Variants in PTPRT observed in about 807,000 individuals in gnomAD.
The protein encoded by PTPRT is protein tyrosine phosphatase receptor type T.
PTPRT carries 56 observed loss-of-function variants against 176.8 expected under a neutral mutation model. The observed-to-expected ratio is 0.32, with a 90% CI of 0.26 to 0.40. The LOEUF (loss-of-function observed/expected upper bound fraction) is 0.40, where lower values mean the gene tolerates loss of function less well. PTPRT is among the 10% of genes least tolerant of loss of function. The pLI, the probability that PTPRT is intolerant of heterozygous loss-of-function variation, is 1.00. For synonymous variants in PTPRT, 783 were observed against 739.0 expected (o/e 1.06, Z -0.96); for missense variants, 1,540 against 1,908.2 (o/e 0.81, Z 3.60).
At chr20:42,235,717 C>T (rs1272045522) in intron 15 of PTPRT, among the ~76,000 whole-genome samples, 1 of 152,296 alleles carries the variant, frequency 6.6e-6, no homozygotes, top group East Asian at 1.9e-4. Context: ...AGCAAAGACA[C>T]TGGATGTTTC....
At chr20:43,034,473 G>A (rs942005138) in intron 1 of PTPRT, among the ~76,000 whole-genome samples, 1 of 151,652 alleles carries the variant, frequency 6.6e-6, no homozygotes, top group Non-Finnish European at 1.5e-5. Context: ...AACTCCTACA[G>A]TCCTCCAAGG....
At chr20:43,088,553 G>A (rs778026850) in intron 1 of PTPRT, among the ~76,000 whole-genome samples, 47 of 152,224 alleles carry the variant, frequency 3.1e-4, no homozygotes, top group Non-Finnish European at 5.7e-4. Context: ...CAGACTCTGG[G>A]TTGAGATGGT....
chr20:42,889,696 G>A (rs1386535173), intron 1 of PTPRT, among the ~76,000 whole-genome samples: 6 of 152,316 alleles, frequency 3.9e-5, no homozygotes, highest in Non-Finnish European at 5.9e-5. Context: ...CAGCAAAGCA[G>A]GGAATTTCAA....
chr20:42,218,604 T>C (rs1174290159), intron 15 of PTPRT, among the ~76,000 whole-genome samples: 1 of 152,180 alleles, frequency 6.6e-6, no homozygotes. Flanking sequence ...CTCCTTGCAC[T>C]GACCAGCTTC....
intron 1 of PTPRT, among the ~76,000 whole-genome samples, chr20:43,167,892 C>A (rs1365736107): frequency 6.6e-6 from 1 of 152,182 alleles, no homozygotes; most frequent in African/African-American, 2.4e-5. Context: ...ACACCCCTGG[C>A]CAACACCTTG....
chr20:42,914,089 T>C (rs1978571202), intron 1 of PTPRT, among the ~76,000 whole-genome samples: 1 of 152,214 alleles, frequency 6.6e-6, no homozygotes, highest in Non-Finnish European at 1.5e-5. Context: ...CACAGCTACA[T>C]CCATCTTCAC....
At chr20:42,226,447 C>T (rs1159610485) in intron 15 of PTPRT, among the ~76,000 whole-genome samples, 2 of 152,162 alleles carry the variant, frequency 1.3e-5, no homozygotes, top group Non-Finnish European at 2.9e-5. Context: ...AACTAGACAA[C>T]TAGGTAATAA....
rs184538566 is a variant in PTPRT at position 43,092,079 on chromosome 20, C to T, written c.88+97567G>A. On this transcript the variant is annotated intron_variant, in intron 1 of 30. Coordinates refer to ENST00000373187, the MANE Select transcript of PTPRT (RefSeq NM_007050.6). The stretch of plus-strand genomic sequence containing the variant: ...GCCTGGGTTTTCTCAAAAAACAAAG[C>T]ATACAACAAGGACACATGGGAAAGT... 3.3e-5 allele frequency among the ~76,000 whole-genome samples: 5 copies of T among 152,276 alleles called. No individual in the cohort carries two copies. In the South Asian group the frequency reaches 6.2e-4, roughly 19 times the overall value.
chr20:42,447,999 C>T (rs1293064061), intron 9 of PTPRT, among the ~76,000 whole-genome samples: 1 of 152,184 alleles, frequency 6.6e-6, no homozygotes, highest in Non-Finnish European at 1.5e-5. Context: ...ACCATAGTCA[C>T]TTCAATGCAT....
intron 1 of PTPRT, among the ~76,000 whole-genome samples, chr20:43,127,354 C>T (rs966352260): frequency 1.4e-4 from 21 of 148,404 alleles, no homozygotes; most frequent in African/African-American, 5.0e-4. Flanking sequence ...ACCTGGGAGG[C>T]GAAGCTTGTA....
intron 1 of PTPRT, 65 bp from the exon 2 acceptor site, chr20:42,885,997 C>T: frequency 2.9e-6 from 4 of 1,377,000 alleles, no homozygotes; most frequent in Non-Finnish European, 3.9e-6. Context: ...TTACCTCTGT[C>T]TCGTCGGCTC....
chr20:42,308,251 G>A (rs374231698), intron 12 of PTPRT, among the ~76,000 whole-genome samples: 4 of 151,968 alleles, frequency 2.6e-5, no homozygotes, highest in East Asian at 3.9e-4. Flanking sequence ...ATAAACTTGC[G>A]TGGACTTGCC....
chr20:43,053,271 C>G (rs1423666745), intron 1 of PTPRT, among the ~76,000 whole-genome samples: 2 of 152,210 alleles, frequency 1.3e-5, no homozygotes, highest in African/African-American at 4.8e-5. Context: ...CCACTCTGTC[C>G]CCAGATCCAC....
At chr20:42,342,448 T>C (rs1283367258) in intron 11 of PTPRT, among the ~76,000 whole-genome samples, 1 of 152,172 alleles carries the variant, frequency 6.6e-6, no homozygotes, top group Non-Finnish European at 1.5e-5. Context: ...TACACCAAAG[T>C]GGGACCCATA....
chr20:42,877,019 A>C (rs1417570099), intron 2 of PTPRT, among the ~76,000 whole-genome samples: 2 of 152,222 alleles, frequency 1.3e-5, no homozygotes, highest in Non-Finnish European at 2.9e-5. Context: ...AAGGCACGAC[A>C]GTGTGACCTG....
At chr20:42,803,434 C>T (rs1182399734) in intron 2 of PTPRT, among the ~76,000 whole-genome samples, 11 of 152,210 alleles carry the variant, frequency 7.2e-5, no homozygotes, top group African/African-American at 1.7e-4. Context: ...AATAACCTGG[C>T]GATCATGCCA....
intron 1 of PTPRT, among the ~76,000 whole-genome samples, chr20:43,147,608 C>G (rs565697511): frequency 3.5e-4 from 54 of 152,300 alleles, no homozygotes; most frequent in African/African-American, 1.2e-3. Context: ...CCCACAGCCT[C>G]TTGTTTGCTA....
intron 1 of PTPRT, 44 bp from the exon 2 acceptor site, chr20:42,885,976 G>T: frequency 6.6e-7 from 1 of 1,518,416 alleles, no homozygotes; most frequent in South Asian, 1.2e-5. Context: ...CCGTGTCTGA[G>T]GCTTGGTTCG....
At chr20:42,136,563 G>A (rs918352879) in intron 18 of PTPRT, among the ~76,000 whole-genome samples, 2 of 152,106 alleles carry the variant, frequency 1.3e-5, no homozygotes, top group African/African-American at 4.8e-5. Context: ...TGGGGTCCTG[G>A]GAGGAGCTGC....
Sources: gnomAD v4.1 joint callset for allele counts (sites outside exome capture counted in the v4.1 genomes callset) on GRCh38, gnomAD v4.1.1 for gene constraint, MANE v1.5 for transcripts, NCBI Gene and HGNC (gene_info 2026-07-23, HGNC 2026-07-21) for gene names.